GALNT18: variants seen among roughly 807,000 people sequenced by gnomAD.
The protein encoded by GALNT18 is GalNAc-transferase 18.
GALNT18 carries 44 observed loss-of-function variants against 69.5 expected under a neutral mutation model. The ratio of observed to expected loss-of-function variants is 0.63; its 90% CI spans 0.50 to 0.81. The LOEUF (loss-of-function observed/expected upper bound fraction) is 0.81, where lower values mean the gene tolerates loss of function less well. GALNT18 is among the 40% of genes least tolerant of loss of function. The probability of loss-of-function intolerance (pLI) is 0.00; values close to 1 mark genes in which losing one functional copy is unlikely to be tolerated. For missense variants in GALNT18, 715 were observed against 810.0 expected (o/e 0.88, Z 1.42); for synonymous variants, 364 against 318.2 (o/e 1.14, Z -1.53).
At chr11:11,365,138 C>T (rs944253579) in intron 6 of GALNT18, among the ~76,000 whole-genome samples, 1 of 152,032 alleles carries the variant, frequency 6.6e-6, no homozygotes, top group African/African-American at 2.4e-5. Context: ...CTTTAAGTTC[C>T]CTTCCCTCAA....
intron 2 of GALNT18, among the ~76,000 whole-genome samples, chr11:11,448,429 T>C (rs1855709041): frequency 6.6e-6 from 1 of 152,230 alleles, no homozygotes; most frequent in Non-Finnish European, 1.5e-5. Context: ...ATGCATAAAA[T>C]GCAACTAATT....
intron 3 of GALNT18, among the ~76,000 whole-genome samples, chr11:11,379,558 G>A (rs1450602107): frequency 3.9e-5 from 6 of 152,242 alleles, no homozygotes; most frequent in Admixed American, 3.9e-4. Flanking sequence ...ATAGGAAAAT[G>A]GTAGCTCAAA....
chr11:11,449,102 C>G (rs1033997372), intron 1 of GALNT18, among the ~76,000 whole-genome samples, 166 bp from the exon 2 acceptor site: 2 of 152,232 alleles, frequency 1.3e-5, no homozygotes, highest in Admixed American at 1.3e-4. Context: ...ACCCATTCAT[C>G]CATGAATCCA....
intron 10 of GALNT18, among the ~76,000 whole-genome samples, chr11:11,281,875 G>C (rs1849083289): frequency 6.6e-6 from 1 of 151,898 alleles, no homozygotes; most frequent in Non-Finnish European, 1.5e-5. Context: ...TGTCAGGGAG[G>C]GTGGAGTATG....
intron 1 of GALNT18, among the ~76,000 whole-genome samples, chr11:11,488,173 T>C (rs1856684189): frequency 6.6e-6 from 1 of 152,216 alleles, no homozygotes; most frequent in Admixed American, 6.5e-5. Context: ...CACAAATTTA[T>C]TATTTTTCAG....
chr11:11,569,754 T>A (rs988143234), intron 1 of GALNT18, among the ~76,000 whole-genome samples: 4 of 152,074 alleles, frequency 2.6e-5, no homozygotes, highest in African/African-American at 9.7e-5. Flanking sequence ...TAGGGTTGAC[T>A]ATGACCTACG....
At chr11:11,282,155 C>T (rs973190307) in intron 10 of GALNT18, among the ~76,000 whole-genome samples, 4 of 152,168 alleles carry the variant, frequency 2.6e-5, no homozygotes, top group African/African-American at 9.7e-5. Flanking sequence ...TTCTTGACCT[C>T]AGCCTCTTTC....
At chr11:11,302,216 AAG>A (rs1192835180) in intron 9 of GALNT18, among the ~76,000 whole-genome samples, 1 of 152,182 alleles carries the variant, frequency 6.6e-6, no homozygotes, top group African/African-American at 2.4e-5. Context: ...GAGGGGCTCT[AAG>A]AGTCTTCTGA....
intron 1 of GALNT18, among the ~76,000 whole-genome samples, chr11:11,577,181 G>T (rs1590113068): frequency 6.6e-6 from 1 of 152,198 alleles, no homozygotes; most frequent in African/African-American, 2.4e-5. Flanking sequence ...CATTCAGCAA[G>T]TACCTGGCCC....
intron 9 of GALNT18, among the ~76,000 whole-genome samples, chr11:11,298,166 C>T (rs1230500059): frequency 6.6e-6 from 1 of 152,212 alleles, no homozygotes; most frequent in Non-Finnish European, 1.5e-5. Flanking sequence ...GTCTCAGAGC[C>T]TGGCCTCTAG....
rs1270381845 is a variant in GALNT18, at chr11:11,404,377, C to T, written c.596-25113G>A. Among the ~76,000 whole-genome samples the T allele has an allele frequency of 2.0e-5, 3 of 152,190 alleles. No homozygotes were observed. The highest frequency in any genetic ancestry group is 4.4e-5 in the Non-Finnish European group (3 of 68,032). Reference sequence around the variant, plus strand: ...CTTCGGCTGCTTTTATTCTCTCACCCTCCCTAGGGAAAGCAAATGCCCATG... The same window carrying T: ...CTTCGGCTGCTTTTATTCTCTCACCTTCCCTAGGGAAAGCAAATGCCCATG... On this transcript the variant is annotated intron_variant, in intron 3 of 10. Transcript: ENST00000227756. The surrounding 1 kb of genome is among the most constrained non-coding windows in gnomAD (Gnocchi z 4.5).
At chr11:11,410,070 G>T (rs1013093198) in intron 3 of GALNT18, among the ~76,000 whole-genome samples, 1 of 152,298 alleles carries the variant, frequency 6.6e-6, no homozygotes, top group Admixed American at 6.5e-5. Flanking sequence ...TCTGGACGGG[G>T]CTCCCTGGCC....
chr11:11,539,945 A>G (rs1460002226), intron 1 of GALNT18, among the ~76,000 whole-genome samples: 1 of 152,232 alleles, frequency 6.6e-6, no homozygotes, highest in Non-Finnish European at 1.5e-5. Flanking sequence ...TTCCAGACAC[A>G]GTGCCTTGCA....
At position 11,459,316 on chromosome 11, in the gene GALNT18, T is replaced by G. The variant is rs558602749; in HGVS notation, c.236-10380A>C. Among the ~76,000 whole-genome samples, 84 of 152,276 alleles carry G rather than the reference T, an allele frequency of 5.5e-4. No individual in the cohort carries two copies. Among genetic ancestry groups the G allele is most frequent in the African/African-American group, 1.9e-3 (79 of 41,570 alleles). On this transcript the variant is annotated intron_variant, in intron 1 of 10. Transcript: ENST00000227756. This position sits in a 1 kb window ranked among gnomAD's most constrained non-coding sequence, Gnocchi z 5.0. ...AAGTGGAATCTGACAGCAAAGAGCT[T>G]GGAACCAATCAGGAGGAAGGAGCCC...
chr11:11,464,257 CA>C (rs1025160011), intron 1 of GALNT18, among the ~76,000 whole-genome samples: 19 of 152,142 alleles, frequency 1.2e-4, no homozygotes, highest in African/African-American at 4.6e-4. Flanking sequence ...TTAAAGTGAA[CA>C]AAAAAGCCTA....
intron 10 of GALNT18, among the ~76,000 whole-genome samples, chr11:11,278,310 C>A (rs1564875912): frequency 6.7e-6 from 1 of 150,090 alleles, no homozygotes; most frequent in Non-Finnish European, 1.5e-5. Flanking sequence ...ACCAAGTTGA[C>A]CAACGAGAAC....
chr11:11,289,572 AAC>A (rs1849260852), intron 10 of GALNT18, among the ~76,000 whole-genome samples: 1 of 152,338 alleles, frequency 6.6e-6, no homozygotes, highest in Admixed American at 6.5e-5. Flanking sequence ...CCCATTTTAC[AAC>A]AGTGTTTCCT....
At chr11:11,534,921 G>A (rs1474994454) in intron 1 of GALNT18, among the ~76,000 whole-genome samples, 1 of 152,232 alleles carries the variant, frequency 6.6e-6, no homozygotes, top group East Asian at 1.9e-4. Context: ...CCTGCAGCAC[G>A]GGAGGAAAAC....
intron 6 of GALNT18, chr11:11,352,885 T>C: frequency 6.2e-7 from 1 of 1,614,188 alleles, no homozygotes; most frequent in Non-Finnish European, 8.5e-7. Context: ...ATTTCACGCT[T>C]AATTTTCTTC....
Sources: gnomAD v4.1 joint callset for allele counts (sites outside exome capture counted in the v4.1 genomes callset) on GRCh38, gnomAD v4.1.1 for gene constraint, Gnocchi (gnomAD v3.1) non-coding constraint, MANE v1.5 for transcripts, NCBI Gene and HGNC (gene_info 2026-07-23, HGNC 2026-07-21) for gene names.